The following ZNF385D variants were observed in gnomAD, a reference collection of about 807,000 sequenced individuals.
ZNF385D encodes the protein zinc finger protein 385D, also known as zinc finger protein 659.
A neutral mutation model predicts 35.8 loss-of-function variants in ZNF385D; 15 were observed. That is an observed-to-expected ratio of 0.42 (90% confidence interval 0.28 to 0.64). ZNF385D has a LOEUF of 0.64. Among genes scored for constraint, ZNF385D ranks in the 30% least tolerant of loss-of-function variants. The pLI is 0.23. For synonymous variants in ZNF385D, 212 were observed against 186.8 expected (o/e 1.13, Z -1.10); for missense variants, 474 against 494.6 (o/e 0.96, Z 0.39).
At chr3:21,635,734 CA>C (rs2065410797) in intron 2 of ZNF385D, among the ~76,000 whole-genome samples, 1 of 152,070 alleles carries the variant, frequency 6.6e-6, no homozygotes, top group Non-Finnish European at 1.5e-5. Flanking sequence ...CCCGAGTCCC[CA>C]AAGTCCATTG....
chr3:21,659,847 C>T (rs375905488), intron 2 of ZNF385D, among the ~76,000 whole-genome samples: 9 of 152,042 alleles, frequency 5.9e-5, no homozygotes, highest in Admixed American at 5.9e-4. Flanking sequence ...CTGCCTTCCC[C>T]TCCCTCTGCC....
At chr3:22,348,085 T>A (rs936575601) in intron 2 of ZNF385D, among the ~76,000 whole-genome samples, 2 of 152,160 alleles carry the variant, frequency 1.3e-5, no homozygotes, top group South Asian at 2.1e-4. Context: ...ATACATTTTT[T>A]AACTGGTACC....
intron 3 of ZNF385D, among the ~76,000 whole-genome samples, chr3:21,963,949 G>T (rs963512058): frequency 2.0e-5 from 3 of 152,064 alleles, no homozygotes; most frequent in Non-Finnish European, 4.4e-5. Flanking sequence ...TTTTATGTTA[G>T]ATATTATTAT....
intron 3 of ZNF385D, among the ~76,000 whole-genome samples, chr3:22,085,262 A>C (rs1188495092): frequency 6.6e-6 from 1 of 152,086 alleles, no homozygotes; most frequent in Admixed American, 6.6e-5. Flanking sequence ...AATCATAAAA[A>C]ACCCTTCAAA....
At chr3:22,057,487 A>ATTATTTAT (rs942693922) in intron 3 of ZNF385D, among the ~76,000 whole-genome samples, 1 of 151,220 alleles carries the variant, frequency 6.6e-6, no homozygotes. Flanking sequence ...ACTCCAAAAC[A>ATTATTTAT]TTATTTATTT....
intron 1 of ZNF385D, among the ~76,000 whole-genome samples, chr3:21,698,646 A>AC (rs1259536314): frequency 6.6e-6 from 1 of 152,144 alleles, no homozygotes; most frequent in Non-Finnish European, 1.5e-5. Context: ...TTCCAAGAAA[A>AC]AAAACAAACA....
chr3:21,634,837 A>G (rs1348945832), intron 2 of ZNF385D, among the ~76,000 whole-genome samples: 13 of 151,576 alleles, frequency 8.6e-5, no homozygotes, highest in Admixed American at 4.6e-4. Context: ...TTTGGATGGC[A>G]ATATTTTTCT....
intron 3 of ZNF385D, among the ~76,000 whole-genome samples, chr3:22,038,358 A>G (rs1282529280): frequency 2.6e-5 from 4 of 152,164 alleles, no homozygotes; most frequent in Admixed American, 6.6e-5. Flanking sequence ...TGGCTTTCTC[A>G]CTTATTATCA....
chr3:22,122,993 C>A (rs1703178844), intron 3 of ZNF385D, among the ~76,000 whole-genome samples: 1 of 152,162 alleles, frequency 6.6e-6, no homozygotes, highest in African/African-American at 2.4e-5. Flanking sequence ...ACTTTAAAGA[C>A]TACTTTTATT....
At chr3:21,658,163 C>T (rs2066128575) in intron 2 of ZNF385D, among the ~76,000 whole-genome samples, 1 of 152,020 alleles carries the variant, frequency 6.6e-6, no homozygotes, top group South Asian at 2.1e-4. Flanking sequence ...TAAAATACCT[C>T]ACCAACATTT....
At chr3:21,988,888 C>A (rs1052704198) in intron 3 of ZNF385D, among the ~76,000 whole-genome samples, 2 of 152,198 alleles carry the variant, frequency 1.3e-5, no homozygotes, top group Non-Finnish European at 2.9e-5. Context: ...GTTTTTTAAG[C>A]CGGTCTGAAA....
At chr3:21,896,712 T>G (rs1699156920) in intron 3 of ZNF385D, among the ~76,000 whole-genome samples, 1 of 152,188 alleles carries the variant, frequency 6.6e-6, no homozygotes, top group Non-Finnish European at 1.5e-5. Flanking sequence ...CAGTAGTTCC[T>G]TTTTGGGAGT....
chr3:22,142,892 G>A (rs1407156465), intron 3 of ZNF385D, among the ~76,000 whole-genome samples: 1 of 151,882 alleles, frequency 6.6e-6, no homozygotes, highest in Non-Finnish European at 1.5e-5. Flanking sequence ...ATAAAGAATA[G>A]CAATAGTAAC....
intron 2 of ZNF385D, among the ~76,000 whole-genome samples, chr3:22,214,801 A>T (rs192026404): frequency 6.6e-6 from 1 of 152,132 alleles, no homozygotes; most frequent in Non-Finnish European, 1.5e-5. Flanking sequence ...CCAAAACTTC[A>T]TTAGCAATTT....
At chr3:22,237,760 C>T (rs1337923771) in intron 2 of ZNF385D, among the ~76,000 whole-genome samples, 1 of 152,150 alleles carries the variant, frequency 6.6e-6, no homozygotes, top group Admixed American at 6.5e-5. Context: ...TCTCCTGCCT[C>T]AGCCTCCTGA....
At chr3:22,181,206 T>C (rs1695246450) in intron 2 of ZNF385D, among the ~76,000 whole-genome samples, 2 of 152,130 alleles carry the variant, frequency 1.3e-5, no homozygotes. Context: ...GAGCAGATAC[T>C]AACGATTCAG....
chr3:21,818,805 T>G (rs949704828), intron 3 of ZNF385D, among the ~76,000 whole-genome samples: 1 of 151,958 alleles, frequency 6.6e-6, no homozygotes, highest in Non-Finnish European at 1.5e-5. Flanking sequence ...ATTTTAAATT[T>G]TCCTATATTA....
At chr3:21,921,924 A>G (rs537024734) in intron 3 of ZNF385D, among the ~76,000 whole-genome samples, 8 of 152,256 alleles carry the variant, frequency 5.3e-5, no homozygotes, top group African/African-American at 1.9e-4. Context: ...CATACGAAGA[A>G]GAGATGGTGC....
At chr3:22,307,628 T>C (rs901679463) in intron 2 of ZNF385D, among the ~76,000 whole-genome samples, 15 of 152,036 alleles carry the variant, frequency 9.9e-5, no homozygotes, top group African/African-American at 2.9e-4. Context: ...CAGCTACTCA[T>C]AGATTAGGAA....
Sources: gnomAD v4.1 joint callset for allele counts (sites outside exome capture counted in the v4.1 genomes callset) on GRCh38, gnomAD v4.1.1 for gene constraint, MANE v1.5 for transcripts, NCBI Gene and HGNC (gene_info 2026-07-23, HGNC 2026-07-21) for gene names.